The following PITRM1 variants were observed in gnomAD, a reference collection of about 807,000 sequenced individuals.
PITRM1 encodes the protein pitrilysin metallopeptidase 1.
PITRM1 carries 100 observed loss-of-function variants against 129.9 expected under a neutral mutation model. The ratio of observed to expected loss-of-function variants is 0.77; its 90% CI spans 0.65 to 0.91. The LOEUF (loss-of-function observed/expected upper bound fraction) is 0.91, where lower values mean the gene tolerates loss of function less well. PITRM1 is among the 40% of genes least tolerant of loss of function. The pLI, the probability that PITRM1 is intolerant of heterozygous loss-of-function variation, is 0.00. For missense variants in PITRM1, 1,471 were observed against 1,318.3 expected (o/e 1.12, Z -1.79); for synonymous variants, 591 against 508.8 (o/e 1.16, Z -2.17).
chr10:3,142,052 A>C (rs1415010132), intron 23 of PITRM1, among the ~76,000 whole-genome samples: 1 of 152,196 alleles, frequency 6.6e-6, no homozygotes, highest in African/African-American at 2.4e-5. Context: ...AATACAAAAC[A>C]CAAGGAAAAA....
chr10:3,158,373 G>C (rs903172349), intron 10 of PITRM1, among the ~76,000 whole-genome samples: 3 of 152,052 alleles, frequency 2.0e-5, no homozygotes, highest in Non-Finnish European at 4.4e-5. Context: ...AGTTATGGCA[G>C]GATAAATATC....
At chr10:3,151,874 T>G (rs990596949) in intron 14 of PITRM1, among the ~76,000 whole-genome samples, 12 of 152,182 alleles carry the variant, frequency 7.9e-5, no homozygotes, top group Non-Finnish European at 1.6e-4. Flanking sequence ...TGGCTGGGAC[T>G]AGGGGTGCAG....
chr10:3,148,191 G>C lies in PITRM1; in HGVS notation c.1972C>G (p.His658Asp). 6.2e-7 allele frequency: 1 copy of C among 1,613,986 alleles called. No homozygotes were observed. ...ASPHVLPDDS[H>D]MDTYEQGVLF... ...GCTACCTGCTCGTAGGTGTCCATGTGTGAGTCGTCGGGGAGCACGTGGGGA... is the reference window on the plus strand; with the variant it reads ...GCTACCTGCTCGTAGGTGTCCATGTCTGAGTCGTCGGGGAGCACGTGGGGA... The change falls in exon 17 of 27, where the codon CAC becomes GAC. Residue 658 changes from histidine to aspartate, a missense_variant. Transcript: ENST00000224949.
At position 3,172,778 on chromosome 10, in the gene PITRM1, A is replaced by T. The variant is rs1385912328; in HGVS notation, c.-6T>A. ...CGCCCGCCGCAGCGCCACATTGCGC[A>T]TGACGAGCACCTGGCTGGCGAGGAA... On this transcript the variant is annotated 5_prime_UTR_variant, in exon 1 of 27. The change abolishes an upstream ATG in the 5' untranslated region. Transcript: ENST00000224949. 1 of 1,544,674 alleles carries T rather than the reference A, an allele frequency of 6.5e-7. No individual in the cohort carries two copies. Among genetic ancestry groups the T allele is most frequent in the Non-Finnish European group, 8.7e-7 (1 of 1,145,038 alleles).
At chr10:3,147,777 T>G in intron 18 of PITRM1, 40 bp from the exon 19 acceptor site, 1 of 1,518,702 alleles carries the variant, frequency 6.6e-7, no homozygotes, top group Non-Finnish European at 8.9e-7. Context: ...GGAGACCCAT[T>G]CCTCACGTCC....
In PITRM1 at chr10:3,171,146, T is replaced by TAA. The variant is rs1588736135; in HGVS notation, c.57-941_57-940insTT. Among the ~76,000 whole-genome samples the TAA allele has an allele frequency of 3.9e-3, 141 of 36,262 alleles. 47 individuals carry two copies. Among genetic ancestry groups the TAA allele is most frequent in the African/African-American group, 7.1e-3 (78 of 10,926 alleles). The allele number at this position is 36,262 out of a possible 152,430, so 23.8% of individuals were successfully genotyped here. A position where few individuals can be genotyped will look rare whatever the true frequency, so the allele number is the denominator to read the frequency against. On this transcript the variant is annotated intron_variant, in intron 1 of 26. Coordinates refer to ENST00000224949, the MANE Select transcript of PITRM1 (RefSeq NM_014889.4). Reference sequence around the variant, plus strand: ...GATAAAGTGCGGACTAATCGTTCAATTAAAAAAAAAAAAAAAAAAAAAAAA... The same window carrying TAA: ...GATAAAGTGCGGACTAATCGTTCAATAATAAAAAAAAAAAAAAAAAAAAAAAA...
At chr10:3,150,910 G>T (rs904017823) in intron 15 of PITRM1, among the ~76,000 whole-genome samples, 7 of 151,984 alleles carry the variant, frequency 4.6e-5, no homozygotes, top group African/African-American at 1.7e-4. Flanking sequence ...AGGAAAAAGG[G>T]CTCTGAGGAC....
rs1843113359 is a variant in PITRM1 at position 3,168,938 on chromosome 10, AC to A, written c.159+1165del. 7.3e-5 allele frequency among the ~76,000 whole-genome samples: 5 copies of A among 68,408 alleles called. No homozygotes were observed. The South Asian group carries it at 2.6e-3, about 36-fold the overall frequency. The allele number at this position is 68,408 out of a possible 152,430, so 44.9% of individuals were successfully genotyped here. On this transcript the variant is annotated intron_variant, in intron 2 of 26. Transcript: ENST00000224949. ...TCTACACACACACACACACACACAC[AC>A]ACACACACACACACACACACACACA...
intron 12 of PITRM1, 142 bp downstream of exon 12, chr10:3,157,292 AT>A: frequency 1.6e-6 from 1 of 638,182 alleles, no homozygotes; most frequent in Non-Finnish European, 2.6e-6. Context: ...TGTTTAGGAA[AT>A]AACCAACAGA....
Position 3,140,799 on chromosome 10 carries a change from C to G in PITRM1, c.2659G>C (p.Ala887Pro). 6.3e-7 allele frequency: 1 copy of G among 1,583,924 alleles called. No homozygotes were observed. Residue 887 changes from alanine to proline, a missense_variant, in exon 24 of 27, where the codon GCA becomes CCA. Physicochemically the swap from Ala to Pro is conservative, Grantham distance 27. Transcript: ENST00000224949. ...DPDHASLKIL[A>P]RLMTAKFLHT... ...AAGAATTTGGCAGTCATCAAACGTG[C>G]AAGGATTTTAAGACTGAAATGATTA...
At chr10:3,170,010 G>T in intron 2 of PITRM1, 94 bp downstream of exon 2, 1 of 841,826 alleles carries the variant, frequency 1.2e-6, no homozygotes, top group African/African-American at 1.7e-5. Flanking sequence ...GGACAAAAAC[G>T]CTAGTCTCCG....
chr10:3,140,849 T>A, intron 23 of PITRM1, 37 bp from the exon 24 acceptor site: 1 of 1,520,020 alleles, frequency 6.6e-7, no homozygotes. Flanking sequence ...ATACCGTGGC[T>A]GATAAAAAAG....
At chr10:3,138,410 CGGAG>C in intron 25 of PITRM1, 73 bp from the exon 26 acceptor site, 1 of 966,312 alleles carries the variant, frequency 1.0e-6, no homozygotes, top group Non-Finnish European at 1.7e-6. Flanking sequence ...ACTCATGTCC[CGGAG>C]GGGACACAGG....
At chr10:3,153,337 T>A (rs1257843842) in intron 14 of PITRM1, among the ~76,000 whole-genome samples, 1 of 152,196 alleles carries the variant, frequency 6.6e-6, no homozygotes, top group African/African-American at 2.4e-5. Context: ...TGTGTAGTCA[T>A]GAATAATTTC....
At chr10:3,160,037 C>G (rs1364806143) in intron 8 of PITRM1, 101 bp from the exon 9 acceptor site, 14 of 1,235,026 alleles carry the variant, frequency 1.1e-5, no homozygotes, top group Non-Finnish European at 1.6e-5. Context: ...AGGCTTTCCA[C>G]TAAGTTAACT....
Position 3,147,413 on chromosome 10 carries a change from G to A in PITRM1, c.2235+159C>T, listed in dbSNP as rs553610606. ...ACTGGGATGCAGGGTGGTACAAAGA[G>A]GAAGATGAGTCAAAACCAACCAACC... On this transcript the variant is annotated intron_variant, in intron 19 of 26. Transcript: ENST00000224949. 41 of 977,558 alleles carry A rather than the reference G, an allele frequency of 4.2e-5. No individual in the cohort carries two copies. In the African/African-American group the frequency reaches 5.6e-4, roughly 13 times the overall value. The allele number at this position is 977,558 out of a possible 1,614,324, so 60.6% of individuals were successfully genotyped here. A position where few individuals can be genotyped will look rare whatever the true frequency, so the allele number is the denominator to read the frequency against.
chr10:3,143,413 G>A lies in PITRM1; in HGVS notation c.2621C>T (p.Pro874Leu). The A allele has an allele frequency of 5.6e-6, 9 of 1,612,242 alleles. No individual in the cohort carries two copies. The highest frequency in any genetic ancestry group is 7.6e-6 in the Non-Finnish European group (9 of 1,178,288). ...CCTGGCATGATCTGGGTCCGTGTAG[G>A]GGACAGTTCGGATGCATTCACCCAC... ...NYVGECIRTV[P>L]YTDPDHASLK... Residue 874 changes from proline (P) to leucine (L), a missense_variant, in exon 23 of 27, where the codon CCC becomes CTC. Transcript: ENST00000224949.
chr10:3,163,655 T>C (rs1842630740), intron 7 of PITRM1, 70 bp downstream of exon 7: 1 of 1,284,660 alleles, frequency 7.8e-7, no homozygotes, highest in Non-Finnish European at 1.1e-6. Flanking sequence ...AGCCATGCCA[T>C]AAACTGTTAA....
intron 2 of PITRM1, among the ~76,000 whole-genome samples, chr10:3,168,806 C>T (rs556889845): frequency 1.3e-5 from 2 of 152,110 alleles, no homozygotes; most frequent in East Asian, 3.9e-4. Context: ...TATAAATTAC[C>T]CAGTCTTGGG....
Sources: allele counts gnomAD v4.1 joint callset (sites outside exome capture counted in the v4.1 genomes callset), GRCh38; gene constraint gnomAD v4.1.1; transcripts MANE v1.5; gene names NCBI Gene and HGNC (gene_info 2026-07-23, HGNC 2026-07-21).